Variants in INSL6 observed in about 807,000 individuals in gnomAD.
INSL6 encodes insulin like 6.
A neutral mutation model predicts 9.4 loss-of-function variants in INSL6; 16 were observed. That is an observed-to-expected ratio of 1.70 (90% CI 1.15 to 2.59). The LOEUF (loss-of-function observed/expected upper bound fraction) is 2.59. INSL6 is among the 30% of genes most tolerant of loss of function. INSL6 has a pLI of 0.00. For synonymous variants in INSL6, 154 were observed against 96.9 expected (o/e 1.59, Z -3.46); for missense variants, 391 against 257.3 (o/e 1.52, Z -3.56).
At chr9:5,171,434 T>C (rs1047655631) in intron 1 of INSL6, among the ~76,000 whole-genome samples, 32 of 152,180 alleles carry the variant, frequency 2.1e-4, no homozygotes, top group Admixed American at 1.5e-3. Flanking sequence ...AAGTTAAGGA[T>C]GCCCTCTCAT....
chr9:5,057,162 ACAT>A, the INSL6 span, among the ~76,000 whole-genome samples: 2 of 152,138 alleles, frequency 1.3e-5, no homozygotes, highest in Admixed American at 1.3e-4. Flanking sequence ...TCATATTGAT[ACAT>A]CATGTTTCTT....
the INSL6 span, among the ~76,000 whole-genome samples, chr9:5,115,770 A>G: frequency 1.3e-5 from 2 of 152,354 alleles, no homozygotes; most frequent in African/African-American, 4.8e-5. Context: ...AGGGACAAAG[A>G]TGAAGCTAGA....
the INSL6 span, chr9:5,080,490 G>T: frequency 1.3e-6 from 2 of 1,546,892 alleles, no homozygotes; most frequent in South Asian, 1.2e-5. Flanking sequence ...GGTTGGTGTG[G>T]CATTACACAA....
the INSL6 span, chr9:5,041,692 G>A: frequency 2.0e-6 from 1 of 506,940 alleles, no homozygotes; most frequent in Non-Finnish European, 4.0e-6. Context: ...GACCGAAGCG[G>A]CTTCGTGTTC....
At chr9:5,139,665 T>C (rs181553822) in intron 2 of INSL6, among the ~76,000 whole-genome samples, 12 of 152,288 alleles carry the variant, frequency 7.9e-5, no homozygotes, top group Admixed American at 5.9e-4. Context: ...GTTGAAACCA[T>C]TTATGAGCTA....
downstream of INSL6, among the ~76,000 whole-genome samples, chr9:5,162,745 A>G (rs1302729677): frequency 1.3e-5 from 2 of 152,256 alleles, no homozygotes; most frequent in Admixed American, 1.3e-4. Flanking sequence ...AGTATGTATG[A>G]CACAGATATA....
At chr9:5,150,362 T>C (rs1358459556) in intron 2 of INSL6, among the ~76,000 whole-genome samples, 2 of 152,026 alleles carry the variant, frequency 1.3e-5, no homozygotes, top group African/African-American at 2.4e-5. Context: ...AAGACTAATA[T>C]CCAGAATCTA....
chr9:5,163,572 TTGTGTG>T (rs1351018595), downstream of INSL6, among the ~76,000 whole-genome samples: 31 of 152,288 alleles, frequency 2.0e-4, no homozygotes, highest in African/African-American at 7.5e-4. Flanking sequence ...GGGCATCAGT[TTGTGTG>T]TCATACAGAT....
chr9:5,068,359 TA>T, the INSL6 span, among the ~76,000 whole-genome samples: 2 of 152,126 alleles, frequency 1.3e-5, no homozygotes, highest in East Asian at 3.8e-4. Flanking sequence ...TGCAAAATAT[TA>T]AAAATGTAAT....
At chr9:5,064,736 T>C in the INSL6 span, 1 of 487,810 alleles carries the variant, frequency 2.0e-6, no homozygotes, top group Non-Finnish European at 3.5e-6. Context: ...ACATGAGAAT[T>C]TGTAATTCAT....
At chr9:5,105,086 G>A in the INSL6 span, among the ~76,000 whole-genome samples, 1 of 152,160 alleles carries the variant, frequency 6.6e-6, no homozygotes, top group African/African-American at 2.4e-5. Context: ...AAGAAATAAA[G>A]GGTATTCAAT....
At chr9:5,084,724 C>T in the INSL6 span, among the ~76,000 whole-genome samples, 1 of 152,258 alleles carries the variant, frequency 6.6e-6, no homozygotes, top group African/African-American at 2.4e-5. Context: ...AATAGCCTTA[C>T]ATGTGGATAT....
chr9:5,134,037 T>C (rs1275434814), intron 2 of INSL6, among the ~76,000 whole-genome samples: 1 of 152,028 alleles, frequency 6.6e-6, no homozygotes, highest in African/African-American at 2.4e-5. Context: ...CACGAGAACT[T>C]CATGAAGCAT....
chr9:5,107,247 A>T, the INSL6 span, among the ~76,000 whole-genome samples: 3 of 152,122 alleles, frequency 2.0e-5, no homozygotes, highest in African/African-American at 7.2e-5. Context: ...TAGCCTTAGT[A>T]ACCGACACCT....
At chr9:5,107,367 C>G in the INSL6 span, among the ~76,000 whole-genome samples, 2 of 152,090 alleles carry the variant, frequency 1.3e-5, no homozygotes, top group Admixed American at 6.6e-5. Flanking sequence ...CCTCCAACTG[C>G]CTCCCCTTTT....
chr9:5,061,709 G>T, the INSL6 span, among the ~76,000 whole-genome samples: 1 of 152,222 alleles, frequency 6.6e-6, no homozygotes, highest in South Asian at 2.1e-4. Flanking sequence ...GCTCACAGGA[G>T]TAGCACTTTC....
the INSL6 span, among the ~76,000 whole-genome samples, chr9:5,079,050 G>A: frequency 6.6e-5 from 10 of 152,190 alleles, no homozygotes; most frequent in African/African-American, 2.4e-4. Flanking sequence ...ATTCTAAATT[G>A]ATCAATTTTT....
At chr9:5,041,458 G>T in the INSL6 span, 1 of 610,582 alleles carries the variant, frequency 1.6e-6, no homozygotes, top group Non-Finnish European at 3.1e-6. Context: ...TCCCCTGGCA[G>T]GGGCTCAAGG....
At chr9:5,067,729 T>C in the INSL6 span, among the ~76,000 whole-genome samples, 3 of 152,142 alleles carry the variant, frequency 2.0e-5, no homozygotes, top group South Asian at 2.1e-4. Flanking sequence ...GAGTTTATGC[T>C]ACAGCCCTAC....
Sources: gnomAD v4.1 joint callset for allele counts (sites outside exome capture counted in the v4.1 genomes callset) on GRCh38, gnomAD v4.1.1 for gene constraint, MANE v1.5 for transcripts, NCBI Gene and HGNC (gene_info 2026-07-23, HGNC 2026-07-21) for gene names.